Variants in MYH10 observed in about 807,000 individuals in gnomAD.
The protein encoded by MYH10 is myosin heavy chain 10.
In MYH10, 55 loss-of-function variants were observed where a neutral mutation model predicts 257.8. That is an observed-to-expected ratio of 0.21 (90% CI 0.17 to 0.27). MYH10 has a LOEUF of 0.27. Ranked by LOEUF, MYH10 falls within the 10% of genes least tolerant of loss-of-function variation. The pLI, the probability that MYH10 is intolerant of heterozygous loss-of-function variation, is 1.00. For missense variants in MYH10, 1,631 were observed against 2,500.6 expected (o/e 0.65, Z 7.42); for synonymous variants, 854 against 921.7 (o/e 0.93, Z 1.33).
intron 1 of MYH10, among the ~76,000 whole-genome samples, chr17:8,630,057 T>G (rs1193330354): frequency 2.0e-5 from 3 of 151,826 alleles, no homozygotes; most frequent in Non-Finnish European, 2.9e-5. Flanking sequence ...CCTCTGGTGC[T>G]GCGGGGGACC....
intron 29 of MYH10, among the ~76,000 whole-genome samples, chr17:8,499,798 G>T: frequency 6.6e-6 from 1 of 152,218 alleles, no homozygotes; most frequent in East Asian, 1.9e-4. Context: ...AGTGTTGTTA[G>T]TGTAAAGAAT....
intron 2 of MYH10, among the ~76,000 whole-genome samples, chr17:8,612,986 C>A (rs1215489894): frequency 6.6e-6 from 1 of 152,026 alleles, no homozygotes; most frequent in African/African-American, 2.4e-5. Flanking sequence ...CAAGGAGGAC[C>A]CACTATATAC....
chr17:8,606,970 T>A (rs77272799), intron 2 of MYH10, among the ~76,000 whole-genome samples: 32 of 152,298 alleles, frequency 2.1e-4, no homozygotes, highest in Admixed American at 2.0e-4. Flanking sequence ...CAATCAAGTC[T>A]CTTGTCTATC....
intron 37 of MYH10, among the ~76,000 whole-genome samples, chr17:8,482,966 C>T (rs958991053): frequency 1.3e-5 from 2 of 152,166 alleles, no homozygotes; most frequent in African/African-American, 2.4e-5. Flanking sequence ...TTTTTAAGTA[C>T]CCACGGAACA....
intron 2 of MYH10, among the ~76,000 whole-genome samples, chr17:8,606,233 T>C (rs1343988134): frequency 1.3e-5 from 2 of 152,176 alleles, no homozygotes; most frequent in African/African-American, 4.8e-5. Context: ...GCTTATGACT[T>C]GCGGGTTTTT....
intron 30 of MYH10, 63 bp downstream of exon 30, chr17:8,499,207 T>C: frequency 6.5e-7 from 1 of 1,526,826 alleles, no homozygotes; most frequent in South Asian, 1.2e-5. Context: ...CACAGAGGGA[T>C]ACAATGGTAA....
intron 25 of MYH10, among the ~76,000 whole-genome samples, chr17:8,509,306 G>A (rs1016118407): frequency 6.6e-6 from 1 of 152,198 alleles, no homozygotes; most frequent in Non-Finnish European, 1.5e-5. Context: ...TAGGTGTATA[G>A]CAGGCTCTAC....
At chr17:8,593,287 T>C (rs973246188) in intron 3 of MYH10, among the ~76,000 whole-genome samples, 2 of 152,000 alleles carry the variant, frequency 1.3e-5, no homozygotes, top group African/African-American at 4.8e-5. Flanking sequence ...AAGGGAAGGA[T>C]ATTTGTTCTC....
chr17:8,503,134 T>C (rs1477363908), intron 28 of MYH10, among the ~76,000 whole-genome samples: 1 of 151,892 alleles, frequency 6.6e-6, no homozygotes, highest in Non-Finnish European at 1.5e-5. Context: ...AAATACAAAA[T>C]TAGCCGGGCG....
At chr17:8,602,066 C>T (rs1004610022) in intron 3 of MYH10, among the ~76,000 whole-genome samples, 1 of 151,368 alleles carries the variant, frequency 6.6e-6, no homozygotes, top group Admixed American at 6.6e-5. Flanking sequence ...AACTGCGCCT[C>T]CCGGGTTCAC....
Position 8,499,496 on chromosome 17 carries a change from A to C in MYH10, c.3745-20T>G, listed in dbSNP as rs752075769. The C allele has an allele frequency of 5.6e-6, 9 of 1,610,968 alleles. No individual in the cohort carries two copies. The highest frequency in any genetic ancestry group is 6.8e-6 in the Non-Finnish European group (8 of 1,177,206). On this transcript the variant is annotated intron_variant, in intron 29 of 42. Transcript: ENST00000360416. ...TTTGAACTAGGAGACGGAAGGGAAA[A>C]CATAATTCACTAGTTATTTTCTAAA...
chr17:8,624,069 C>T (rs1275975929), intron 1 of MYH10, among the ~76,000 whole-genome samples: 1 of 152,182 alleles, frequency 6.6e-6, no homozygotes, highest in Non-Finnish European at 1.5e-5. Flanking sequence ...CATCATAGCC[C>T]AGATATGGTC....
chr17:8,530,478 C>CA, intron 17 of MYH10, 145 bp downstream of exon 17: 1 of 595,916 alleles, frequency 1.7e-6, no homozygotes, highest in Non-Finnish European at 3.0e-6. Flanking sequence ...GGCCTATGAG[C>CA]AAAACAAAAA....
chr17:8,484,165 C>T lies in MYH10; in HGVS notation c.5148G>A (p.Leu1716=), dbSNP rs763980559. 3 of 1,607,188 alleles carry T rather than the reference C, an allele frequency of 1.9e-6. No homozygotes were observed. The highest frequency in any genetic ancestry group is 2.2e-5 in the East Asian group (1 of 44,550). ...CCTGCAATTGAAGGATTTCTGCTTC[C>T]AGACTCTTCAATTTCTTTTCACTCT... is the stretch of plus-strand genomic sequence containing the variant. ...SKESEKKLKS[L]EAEILQLQEE... Residue 1716 remains leucine (L), a synonymous_variant, in exon 37 of 43, where the codon CTG becomes CTA. Coordinates refer to ENST00000360416, the MANE Select transcript of MYH10 (RefSeq NM_001256012.3).
At chr17:8,629,253 A>T (rs1429331822) in intron 1 of MYH10, among the ~76,000 whole-genome samples, 5 of 152,206 alleles carry the variant, frequency 3.3e-5, no homozygotes, top group Non-Finnish European at 2.9e-5. Flanking sequence ...AAGCCAAAGT[A>T]TTATGTTTGG....
At chr17:8,541,625 T>C (rs2151944560) in intron 14 of MYH10, among the ~76,000 whole-genome samples, 1 of 150,288 alleles carries the variant, frequency 6.7e-6, no homozygotes, top group Admixed American at 6.6e-5. Flanking sequence ...TAAAAATACA[T>C]CTGACAAGAC....
intron 6 of MYH10, among the ~76,000 whole-genome samples, chr17:8,570,047 C>G (rs1165985302): frequency 6.6e-6 from 1 of 152,114 alleles, no homozygotes; most frequent in Non-Finnish European, 1.5e-5. Context: ...AAAAATGTCA[C>G]GCTGAACAGA....
In MYH10 at chr17:8,475,641, T is replaced by C; in HGVS notation, c.*163A>G. On this transcript the variant is annotated 3_prime_UTR_variant, in exon 43 of 43. Transcript: ENST00000360416. ...ATATAAAAAGGGGAGCAATTGTACC[T>C]AAGTCTGAAGCAGGATACAGTATGC... 1.3e-6 allele frequency: 1 copy of C among 747,176 alleles called. No homozygotes were observed. The highest frequency in any genetic ancestry group is 1.8e-5 in the South Asian group (1 of 54,926). 46.3% of individuals were successfully genotyped at this position (747,176 alleles called of 1,614,324 possible). A position where few individuals can be genotyped will look rare whatever the true frequency, so the allele number is the denominator to read the frequency against.
chr17:8,506,542 G>C lies in MYH10; in HGVS notation c.3215-53C>G, dbSNP rs376667692. On this transcript the variant is annotated intron_variant, in intron 26 of 42. Transcript: ENST00000360416. The surrounding 1 kb of genome is among the most constrained non-coding windows in gnomAD (Gnocchi z 5.0). ...CAACACACCGAGTGACTCACCACAG[G>C]AATAAACTAAAATACAGACTGATCC... The C allele has an allele frequency of 3.9e-6, 6 of 1,557,866 alleles. No individual in the cohort carries two copies. The highest frequency in any genetic ancestry group is 2.3e-5 in the East Asian group (1 of 44,046).
Sources: gnomAD v4.1 joint callset for allele counts (sites outside exome capture counted in the v4.1 genomes callset) on GRCh38, gnomAD v4.1.1 for gene constraint, Gnocchi (gnomAD v3.1) non-coding constraint, MANE v1.5 for transcripts, NCBI Gene and HGNC (gene_info 2026-07-23, HGNC 2026-07-21) for gene names.